IFT88: variants seen among roughly 807,000 people sequenced by gnomAD.
IFT88 encodes intraflagellar transport protein 88 homolog.
Under a neutral mutation model 119.5 loss-of-function variants are expected in IFT88, and 74 were observed. The ratio of observed to expected loss-of-function variants is 0.62; its 90% CI spans 0.51 to 0.75. The LOEUF is 0.75. Ranked by LOEUF, IFT88 falls within the 30% of genes least tolerant of loss-of-function variation. The pLI is 0.00. For missense variants in IFT88, 961 were observed against 977.7 expected, an observed-to-expected ratio of 0.98 and a Z score of 0.23; for synonymous variants, 279 against 316.7, an observed-to-expected ratio of 0.88 and a Z score of 1.26.
rs117355668 is a variant in IFT88 at position 20,684,831 on chromosome 13, C to T, written c.2243-5874C>T. On this transcript the variant is annotated intron_variant, in intron 24 of 25. Coordinates refer to ENST00000351808, the MANE Select transcript of IFT88 (RefSeq NM_006531.5). Reference sequence around the variant, plus strand: ...TTAAGAGTACTCGGGTGTTCCCCAGCGTAGTTCCACGTTCTCCAACTGTCG... The same window carrying T: ...TTAAGAGTACTCGGGTGTTCCCCAGTGTAGTTCCACGTTCTCCAACTGTCG... Among the ~76,000 whole-genome samples the T allele has an allele frequency of 2.4e-4, 36 of 152,354 alleles. No individual in the cohort carries two copies. In the East Asian group the frequency reaches 4.4e-3, roughly 19 times the overall value.
chr13:20,583,125 A>C, intron 3 of IFT88, 106 bp downstream of exon 3: 1 of 626,086 alleles, frequency 1.6e-6, no homozygotes, highest in Non-Finnish European at 2.8e-6. Flanking sequence ...AAAGATTATA[A>C]CCATCATTAA....
At chr13:20,620,647 C>T (rs1390773213) in intron 14 of IFT88, among the ~76,000 whole-genome samples, 1 of 152,028 alleles carries the variant, frequency 6.6e-6, no homozygotes, top group Non-Finnish European at 1.5e-5. Context: ...CTCACTGCAA[C>T]CTCCACCTCC....
In IFT88 at chr13:20,599,521, C is replaced by T. The variant is rs2042262980; in HGVS notation, c.768C>T (p.Tyr256=). The T allele has an allele frequency of 1.9e-6, 3 of 1,555,106 alleles. No individual in the cohort carries two copies. In the East Asian group the frequency reaches 6.9e-5, roughly 36 times the overall value. ...QRNYSKAIKF[Y]RMALDQVPSV... ...ATTATTCCAAAGCCATTAAATTCTA[C>T]CGAATGGCATTAGACCAAGTTCCAA... Residue 256 remains tyrosine (Y), a synonymous_variant, in exon 11 of 26, where the codon TAC becomes TAT. Coordinates refer to ENST00000351808, the MANE Select transcript of IFT88 (RefSeq NM_006531.5).
intron 8 of IFT88, 146 bp from the exon 9 acceptor site, chr13:20,596,869 G>A (rs771140673): frequency 6.5e-6 from 3 of 460,502 alleles, no homozygotes; most frequent in Non-Finnish European, 1.2e-5. Context: ...CTTTCCAAGG[G>A]AAGTTTCTGG....
At chr13:20,568,238 C>G (rs560746430) in intron 1 of IFT88, among the ~76,000 whole-genome samples, 17 of 152,110 alleles carry the variant, frequency 1.1e-4, no homozygotes, top group African/African-American at 4.1e-4. Context: ...GGCATCATCC[C>G]CAGATTATTT....
rs796393415 is a variant in IFT88, at chr13:20,634,738, A to AC, written c.1387-3594_1387-3593insC. On this transcript the variant is annotated intron_variant, in intron 16 of 25. Transcript: ENST00000351808. ...ACGAGACTCCATCTCAAACAAACAA[A>AC]AAAAAAAAAAGAAGAAATGGAGCTT... is the stretch of plus-strand genomic sequence containing the variant. Among the ~76,000 whole-genome samples the AC allele has an allele frequency of 1.6e-3, 244 of 151,482 alleles. 1 individual carries two copies. The highest frequency in any genetic ancestry group is 5.3e-3 in the African/African-American group (220 of 41,330).
At chr13:20,590,860 T>A (rs1243221211) in intron 4 of IFT88, 107 bp from the exon 5 acceptor site, 1 of 750,842 alleles carries the variant, frequency 1.3e-6, no homozygotes, top group Non-Finnish European at 2.3e-6. Flanking sequence ...GAATAAATTA[T>A]GTTTGTTTAT....
At chr13:20,584,296 GTCT>G (rs1355344808) in intron 3 of IFT88, among the ~76,000 whole-genome samples, 3 of 152,098 alleles carry the variant, frequency 2.0e-5, no homozygotes, top group East Asian at 3.9e-4. Context: ...ATTTGTTTAT[GTCT>G]TCTTTAATTC....
intron 15 of IFT88, among the ~76,000 whole-genome samples, chr13:20,629,664 C>A (rs2047896585): frequency 6.6e-6 from 1 of 152,070 alleles, no homozygotes; most frequent in Non-Finnish European, 1.5e-5. Context: ...AGTCAGTTTG[C>A]CTACTGGTAT....
At chr13:20,650,095 TGAA>T (rs1016485819) in intron 20 of IFT88, among the ~76,000 whole-genome samples, 6 of 152,028 alleles carry the variant, frequency 3.9e-5, no homozygotes, top group African/African-American at 1.4e-4. Flanking sequence ...TCCTAAATAT[TGAA>T]GAGAAGGTAA....
At chr13:20,592,226 A>G in intron 6 of IFT88, 109 bp from the exon 7 acceptor site, 1 of 770,180 alleles carries the variant, frequency 1.3e-6, no homozygotes, top group Non-Finnish European at 2.1e-6. Flanking sequence ...AATTGAAACC[A>G]TTTAATAAAG....
At chr13:20,599,700 A>T in intron 11 of IFT88, 135 bp downstream of exon 11, 1 of 563,494 alleles carries the variant, frequency 1.8e-6, no homozygotes, top group Non-Finnish European at 3.1e-6. Context: ...TAGTATTTTG[A>T]TCTGTTCCCT....
Position 20,623,373 on chromosome 13 carries a change from G to A in IFT88, c.1200-2377G>A, listed in dbSNP as rs2046820166. Among the ~76,000 whole-genome samples, 3 of 152,208 alleles carry A rather than the reference G, an allele frequency of 2.0e-5. No homozygotes were observed. The South Asian group carries it at 6.2e-4, about 32-fold the overall frequency. ...AATAAGCCATGGACATTTTGGTAGA[G>A]ATTGCATTGAATTCATAGATTGCTT... On this transcript the variant is annotated intron_variant, in intron 14 of 25. Transcript: ENST00000351808.
Position 20,567,181 on chromosome 13 carries a change from C to G in IFT88, c.-82C>G, listed in dbSNP as rs2034967276. 6.6e-6 allele frequency: 1 copy of G among 152,276 alleles called. No individual in the cohort carries two copies. Among genetic ancestry groups the G allele is most frequent in the Non-Finnish European group, 1.5e-5 (1 of 68,112 alleles). 9.4% of individuals were successfully genotyped at this position (152,276 alleles called of 1,614,324 possible). A position where few individuals can be genotyped will look rare whatever the true frequency, so the allele number is the denominator to read the frequency against. ...CCTTGGATTCCGCGCTTGGCAACGGCTCGGCGTCGCGCTTTGGCCAACCGC... is the reference window on the plus strand; with the variant it reads ...CCTTGGATTCCGCGCTTGGCAACGGGTCGGCGTCGCGCTTTGGCCAACCGC... On this transcript the variant is annotated 5_prime_UTR_variant, in exon 1 of 26. Coordinates refer to ENST00000351808, the MANE Select transcript of IFT88 (RefSeq NM_006531.5).
chr13:20,673,895 G>A lies in IFT88; in HGVS notation c.2242+2856G>A, dbSNP rs567002949. Among the ~76,000 whole-genome samples the A allele has an allele frequency of 4.6e-5, 7 of 152,256 alleles. No homozygotes were observed. In the South Asian group the frequency reaches 8.3e-4, roughly 18 times the overall value. On this transcript the variant is annotated intron_variant, in intron 24 of 25. Coordinates refer to ENST00000351808, the MANE Select transcript of IFT88 (RefSeq NM_006531.5). ...TGCTCTCAAGGCATTTTACAAGCAG[G>A]GTTGCGTGTTACTAGGTTCTTCTGG... is the stretch of plus-strand genomic sequence containing the variant.
intron 15 of IFT88, among the ~76,000 whole-genome samples, chr13:20,628,742 T>G (rs1054604507): frequency 6.6e-6 from 1 of 152,204 alleles, no homozygotes; most frequent in African/African-American, 2.4e-5. Flanking sequence ...CTTTGTCAAG[T>G]GATACCCATT....
intron 3 of IFT88, among the ~76,000 whole-genome samples, chr13:20,586,068 T>G (rs2039608761): frequency 6.6e-6 from 1 of 152,200 alleles, no homozygotes; most frequent in Non-Finnish European, 1.5e-5. Context: ...TAACAGGTGA[T>G]AATTTTGCCA....
Position 20,619,089 on chromosome 13 carries a change from C to G in IFT88, c.1199+3210C>G, listed in dbSNP as rs998630582. 2.6e-5 allele frequency among the ~76,000 whole-genome samples: 4 copies of G among 152,050 alleles called. No homozygotes were observed. The East Asian group carries it at 7.7e-4, about 29-fold the overall frequency. On this transcript the variant is annotated intron_variant, in intron 14 of 25. Coordinates refer to ENST00000351808, the MANE Select transcript of IFT88 (RefSeq NM_006531.5). Reference sequence around the variant, plus strand: ...GCCAGGATGGTCTCGATCTCCTGACCTCGTGATCCACCTGCCTCGGCCTCC... The same window carrying G: ...GCCAGGATGGTCTCGATCTCCTGACGTCGTGATCCACCTGCCTCGGCCTCC...
intron 25 of IFT88, 33 bp downstream of exon 25, chr13:20,690,848 A>T: frequency 6.6e-7 from 1 of 1,509,588 alleles, no homozygotes; most frequent in Middle Eastern, 1.7e-4. Context: ...CTCCAGGCAT[A>T]GCAGGTCTGA....
Sources: gnomAD v4.1 joint callset for allele counts (sites outside exome capture counted in the v4.1 genomes callset) on GRCh38, gnomAD v4.1.1 for gene constraint, MANE v1.5 for transcripts, NCBI Gene and HGNC (gene_info 2026-07-23, HGNC 2026-07-21) for gene names.